OVOL1: variants seen among roughly 807,000 people sequenced by gnomAD.
OVOL1 encodes the protein putative transcription factor Ovo-like 1.
A neutral mutation model predicts 21.5 loss-of-function variants in OVOL1; 10 were observed. The observed-to-expected ratio is 0.46, with a 90% confidence interval of 0.29 to 0.79. The LOEUF is 0.79. Among genes scored for constraint, OVOL1 ranks in the 30% least tolerant of loss-of-function variants. The pLI is 0.10. For missense variants in OVOL1, 279 were observed against 362.3 expected (o/e 0.77, Z 1.87); for synonymous variants, 129 against 150.3 (o/e 0.86, Z 1.03).
intron 1 of OVOL1, chr11:65,788,455 C>A: frequency 1.0e-6 from 1 of 984,354 alleles, no homozygotes; most frequent in Non-Finnish European, 1.2e-6. Flanking sequence ...GCTCTGAACG[C>A]CCAGCCCAGC....
rs1321987566 is a variant in OVOL1, at chr11:65,794,565, G to C, written c.346G>C (p.Asp116His). The C allele has an allele frequency of 6.2e-7, 1 of 1,613,290 alleles. No individual in the cohort carries two copies. The highest frequency in any genetic ancestry group is 8.5e-7 in the Non-Finnish European group (1 of 1,180,038). The change falls in exon 3 of 4, where the codon GAC (aspartate) becomes CAC (histidine). Residue 116 changes from aspartate to histidine, a missense_variant. Coordinates refer to ENST00000335987, the MANE Select transcript of OVOL1 (RefSeq NM_004561.4). Reference protein sequence around the residue: ...KVTLGDSPSGDLFTCRVCQKA... With the variant: ...KVTLGDSPSGHLFTCRVCQKA... Reference sequence around the variant, plus strand: ...GACCCTTGGGGACAGTCCCAGTGGAGACCTGTTCACCTGCCGTGTCTGCCA... The same window carrying C: ...GACCCTTGGGGACAGTCCCAGTGGACACCTGTTCACCTGCCGTGTCTGCCA...
intron 1 of OVOL1, chr11:65,789,590 G>A: frequency 7.3e-6 from 6 of 826,100 alleles, no homozygotes; most frequent in Non-Finnish European, 8.8e-6. Context: ...GAGAGTGGGG[G>A]TGCGTTTTGT....
chr11:65,789,196 T>C (rs1328908521), intron 1 of OVOL1: 2 of 479,794 alleles, frequency 4.2e-6, no homozygotes, highest in East Asian at 1.5e-4. Context: ...CTTTTTGTCC[T>C]AGCTATTTTC....
chr11:65,793,236 G>A (rs532174189), intron 1 of OVOL1, among the ~76,000 whole-genome samples: 51 of 152,318 alleles, frequency 3.3e-4, no homozygotes, highest in African/African-American at 1.1e-3. Flanking sequence ...TCCCCGGCCC[G>A]TTCGGTGTGA....
Position 65,795,287 on chromosome 11 carries a change from C to T in OVOL1, c.750C>T (p.Ala250=), listed in dbSNP as rs376114222. Residue 250 remains alanine, a synonymous_variant, in exon 4 of 4, where the codon GCC becomes GCT. Transcript: ENST00000335987. The surrounding 1 kb of genome is among the most constrained non-coding windows in gnomAD (Gnocchi z 5.7). ...TGCGCAAGACCTCCAAGAAGGTGGC[C>T]GTGGCACTACAGAACACTGTCACTT... ...PLLRKTSKKV[A]VALQNTVTSL... The T allele has an allele frequency of 3.6e-5, 58 of 1,612,660 alleles. No homozygotes were observed. In the South Asian group the frequency reaches 5.3e-4, roughly 15 times the overall value.
In OVOL1 at chr11:65,794,656, A is replaced by G; in HGVS notation, c.437A>G (p.His146Arg). The G allele has an allele frequency of 1.2e-6, 2 of 1,613,760 alleles. No individual in the cohort carries two copies. The highest frequency in any genetic ancestry group is 1.7e-6 in the Non-Finnish European group (2 of 1,180,004). ...HMKCHNDVKR[H>R]LCTYCGKGFN... ...AAGTGTCACAACGACGTCAAGAGGCACCTCTGCACGTACTGCGGGAAGGGC... is the reference window on the plus strand; with the variant it reads ...AAGTGTCACAACGACGTCAAGAGGCGCCTCTGCACGTACTGCGGGAAGGGC... Residue 146 changes from histidine (H) to arginine (R), a missense_variant, in exon 3 of 4, where the codon CAC becomes CGC. Transcript: ENST00000335987.
chr11:65,788,733 C>G, intron 1 of OVOL1: 4 of 985,450 alleles, frequency 4.1e-6, no homozygotes, highest in South Asian at 4.7e-5. Context: ...TCAAGGGGAC[C>G]CCTCTTCCAC....
intron 1 of OVOL1, chr11:65,789,063 G>A (rs1458390273): frequency 1.0e-6 from 1 of 985,492 alleles, no homozygotes; most frequent in Non-Finnish European, 1.2e-6. Flanking sequence ...AAGGTGAGCT[G>A]AGCCCTGAGC....
rs1858141935 is a variant in OVOL1 at position 65,796,747 on chromosome 11, T to C, written c.*1406T>C. On this transcript the variant is annotated 3_prime_UTR_variant, in exon 4 of 4. Coordinates refer to ENST00000335987, the MANE Select transcript of OVOL1 (RefSeq NM_004561.4). ...TTCTGGGTGTAAAGAGGTGTGCGTC[T>C]TGTGGGCCAAAGGGAAAAACAGGCA... 3 of 152,212 alleles carry C rather than the reference T, an allele frequency of 2.0e-5. No individual in the cohort carries two copies. The highest frequency in any genetic ancestry group is 7.2e-5 in the African/African-American group (3 of 41,418). The allele number at this position is 152,212 out of a possible 1,614,324, so 9.4% of individuals were successfully genotyped here. A position where few individuals can be genotyped will look rare whatever the true frequency, so the allele number is the denominator to read the frequency against.
intron 1 of OVOL1, among the ~76,000 whole-genome samples, 188 bp downstream of exon 1, chr11:65,787,661 C>T (rs1033356862): frequency 6.6e-6 from 1 of 151,464 alleles, no homozygotes; most frequent in Non-Finnish European, 1.5e-5. Context: ...GGGGGCGGGG[C>T]CGGCGGAAGA....
chr11:65,794,287 G>A, intron 2 of OVOL1, 39 bp downstream of exon 2: 1 of 1,549,036 alleles, frequency 6.5e-7, no homozygotes, highest in Non-Finnish European at 8.9e-7. Context: ...CCGGGGGCGT[G>A]CATGTAGACC....
At chr11:65,789,776 G>A (rs928090025) in intron 1 of OVOL1, 7 of 891,986 alleles carry the variant, frequency 7.8e-6, no homozygotes, top group Non-Finnish European at 9.4e-6. Flanking sequence ...TGACCTTCCT[G>A]CCAGGTTCCT....
intron 1 of OVOL1, chr11:65,789,580 G>T: frequency 1.3e-6 from 1 of 768,324 alleles, no homozygotes; most frequent in Non-Finnish European, 1.6e-6. Context: ...CAGATGGCTG[G>T]AGAGTGGGGG....
Position 65,794,666 on chromosome 11 carries a change from G to A in OVOL1, c.447G>A (p.Thr149=), listed in dbSNP as rs760244577. The change falls in exon 3 of 4, where the codon ACG becomes ACA. Residue 149 remains threonine, a synonymous_variant. Transcript: ENST00000335987. The part of the protein sequence containing the change: ...CHNDVKRHLC[T]YCGKGFNDTF... ...ACGACGTCAAGAGGCACCTCTGCAC[G>A]TACTGCGGGAAGGGCTTCAATGACA... 1.5e-5 allele frequency: 25 copies of A among 1,613,642 alleles called. No homozygotes were observed. Among genetic ancestry groups the A allele is most frequent in the Middle Eastern group, 1.6e-4 (1 of 6,084 alleles).
rs199550776 is a variant in OVOL1, at chr11:65,794,152, C to T, written c.222C>T (p.Pro74=). Residue 74 remains proline, a synonymous_variant, in exon 2 of 4, where the codon CCC becomes CCT. Transcript: ENST00000335987. ...SLRDSSYSMA[P]GPCVVAQLPS... ...GAGACTCTAGCTACAGCATGGCCCCCGGGCCCTGTGTGGTGGCCCAGCTGC... is the reference window on the plus strand; with the variant it reads ...GAGACTCTAGCTACAGCATGGCCCCTGGGCCCTGTGTGGTGGCCCAGCTGC... 5.0e-5 allele frequency: 81 copies of T among 1,613,734 alleles called. No homozygotes were observed. The highest frequency in any genetic ancestry group is 4.4e-4 in the South Asian group (40 of 91,084).
In OVOL1 at chr11:65,795,482, C is replaced by T. The variant is rs1022339422; in HGVS notation, c.*141C>T. On this transcript the variant is annotated 3_prime_UTR_variant, in exon 4 of 4. Coordinates refer to ENST00000335987, the MANE Select transcript of OVOL1 (RefSeq NM_004561.4). The surrounding 1 kb of genome is among the most constrained non-coding windows in gnomAD (Gnocchi z 5.7). Reference sequence around the variant, plus strand: ...CTGGAGCCCCCGTGCCTTGGTCTCCCCCCTGGGCACACGTGCTCACTCAGG... The same window carrying T: ...CTGGAGCCCCCGTGCCTTGGTCTCCTCCCTGGGCACACGTGCTCACTCAGG... 2.6e-5 allele frequency: 19 copies of T among 739,038 alleles called. No individual in the cohort carries two copies. The highest frequency in any genetic ancestry group is 4.2e-5 in the Non-Finnish European group (19 of 454,680). The allele number at this position is 739,038 out of a possible 1,614,324, so 45.8% of individuals were successfully genotyped here.
chr11:65,791,711 G>T (rs1239022731), intron 1 of OVOL1, among the ~76,000 whole-genome samples: 1 of 152,248 alleles, frequency 6.6e-6, no homozygotes, highest in African/African-American at 2.4e-5. Context: ...CAGCAGGAGG[G>T]GACCCATAAG....
chr11:65,787,325 C>A lies in OVOL1; in HGVS notation c.-49C>A. 1 of 1,479,484 alleles carries A rather than the reference C, an allele frequency of 6.8e-7. No homozygotes were observed. Among genetic ancestry groups the A allele is most frequent in the East Asian group, 2.6e-5 (1 of 38,966 alleles). 91.6% of individuals were successfully genotyped at this position (1,479,484 alleles called of 1,614,324 possible). A position where few individuals can be genotyped will look rare whatever the true frequency, so the allele number is the denominator to read the frequency against. On this transcript the variant is annotated 5_prime_UTR_variant, in exon 1 of 4. Coordinates refer to ENST00000335987, the MANE Select transcript of OVOL1 (RefSeq NM_004561.4). The stretch of plus-strand genomic sequence containing the variant: ...CGGCCCCGCAAAGGTGGGACGGCTC[C>A]CGGCTTCAGTTACGGAAGCGGCCCG...
At chr11:65,792,969 C>T (rs531634221) in intron 1 of OVOL1, among the ~76,000 whole-genome samples, 2 of 152,250 alleles carry the variant, frequency 1.3e-5, no homozygotes, top group Non-Finnish European at 2.9e-5. Context: ...CTTCTGCAAT[C>T]CCACATCAGC....
Sources: gnomAD v4.1 joint callset for allele counts (sites outside exome capture counted in the v4.1 genomes callset) on GRCh38, gnomAD v4.1.1 for gene constraint, Gnocchi (gnomAD v3.1) non-coding constraint, MANE v1.5 for transcripts, NCBI Gene and HGNC (gene_info 2026-07-23, HGNC 2026-07-21) for gene names.